MDM2: variants seen among roughly 807,000 people sequenced by gnomAD.
MDM2 encodes the protein MDM2 proto-oncogene.
In MDM2, 11 loss-of-function variants were observed where a neutral mutation model predicts 64.3. The ratio of observed to expected loss-of-function variants is 0.17; its 90% confidence interval spans 0.11 to 0.28. The LOEUF is 0.28. MDM2 is among the 10% of genes least tolerant of loss of function. MDM2 has a pLI of 1.00. For missense variants in MDM2, 388 were observed against 577.1 expected (o/e 0.67, Z 3.36); for synonymous variants, 194 against 192.9 (o/e 1.01, Z -0.05).
chr12:68,830,964 G>A (rs184377190), intron 8 of MDM2, among the ~76,000 whole-genome samples: 1 of 152,192 alleles, frequency 6.6e-6, no homozygotes, highest in South Asian at 2.1e-4. Context: ...GCCTCCCAAA[G>A]TGTTGGGATT....
chr12:68,838,753 C>T (rs1016225751), intron 10 of MDM2, among the ~76,000 whole-genome samples: 4 of 152,110 alleles, frequency 2.6e-5, no homozygotes, highest in Non-Finnish European at 4.4e-5. Context: ...CTAAAGGAAG[C>T]AACTGCATTT....
At chr12:68,830,383 G>A (rs1430742180) in intron 8 of MDM2, among the ~76,000 whole-genome samples, 1 of 152,124 alleles carries the variant, frequency 6.6e-6, no homozygotes, top group Admixed American at 6.6e-5. Flanking sequence ...TGTACCTAAC[G>A]GAGCTGTTAC....
intron 3 of MDM2, 23 bp from the exon 4 acceptor site, chr12:68,816,789 C>T (rs1881424261): frequency 3.9e-6 from 6 of 1,557,570 alleles, no homozygotes; most frequent in Non-Finnish European, 5.2e-6. Flanking sequence ...CTTTAATGCT[C>T]AGAAATCATA....
chr12:68,847,539 C>A (rs1884414117), downstream of MDM2: 1 of 144,940 alleles, frequency 6.9e-6, no homozygotes, highest in Non-Finnish European at 1.5e-5. Flanking sequence ...CTGCAAGCTC[C>A]GCCTCCCAGG....
chr12:68,811,812 G>C (rs1045931699), intron 2 of MDM2, among the ~76,000 whole-genome samples: 1 of 152,072 alleles, frequency 6.6e-6, no homozygotes, highest in African/African-American at 2.4e-5. Flanking sequence ...ATGTTGTCCA[G>C]GCTGGTCTTG....
At chr12:68,828,960 ACT>A (rs1387732889) in intron 8 of MDM2, 29 bp downstream of exon 8, 3 of 1,607,518 alleles carry the variant, frequency 1.9e-6, no homozygotes, top group Non-Finnish European at 2.6e-6. Flanking sequence ...GTAAGGCAAG[ACT>A]CTTACTGTTC....
At chr12:68,850,007 G>C (rs1292708510), downstream of MDM2, 1 of 152,374 alleles carries the variant, frequency 6.6e-6, no homozygotes, top group East Asian at 1.9e-4. Context: ...CCCTTGGCTG[G>C]GGGGTGATGG....
At chr12:68,830,559 C>T (rs983931496) in intron 8 of MDM2, among the ~76,000 whole-genome samples, 1 of 151,926 alleles carries the variant, frequency 6.6e-6, no homozygotes, top group African/African-American at 2.4e-5. Flanking sequence ...GGAGATAGAT[C>T]ATTAATGACA....
At chr12:68,847,196 T>TTATATATATATATATATGTATA (rs59862219), downstream of MDM2, 6 of 92,056 alleles carry the variant, frequency 6.5e-5, no homozygotes, top group East Asian at 9.9e-4. Context: ...TGTGTGTACA[T>TTATATATATATATATATGTATA]TATATATATA....
chr12:68,828,654 G>A, intron 7 of MDM2, 117 bp from the exon 8 acceptor site: 1 of 751,196 alleles, frequency 1.3e-6, no homozygotes, highest in Non-Finnish European at 2.2e-6. Context: ...CAATAAAACA[G>A]TGTTAACTTT....
chr12:68,833,805 A>T (rs894443486), intron 8 of MDM2, among the ~76,000 whole-genome samples: 1 of 152,240 alleles, frequency 6.6e-6, no homozygotes, highest in African/African-American at 2.4e-5. Context: ...GTTTTCTGAG[A>T]TTTAATGTTT....
chr12:68,824,322 C>T (rs374258492), intron 5 of MDM2, 41 bp from the exon 6 acceptor site: 20 of 1,531,342 alleles, frequency 1.3e-5, no homozygotes, highest in African/African-American at 2.7e-5. Flanking sequence ...CGCCGCCCCC[C>T]GCCCACCACC....
At chr12:68,817,523 G>A (rs1367800521) in intron 4 of MDM2, among the ~76,000 whole-genome samples, 1 of 152,100 alleles carries the variant, frequency 6.6e-6, no homozygotes, top group Admixed American at 6.5e-5. Flanking sequence ...GCCAAGGCGG[G>A]TGGATCACCT....
chr12:68,845,132 T>G lies in MDM2; in HGVS notation c.*5283T>G, dbSNP rs1884170511. ...GGCTTATGATGGTAACCACAAGTTGTTAATGGCATTGTGAAAAGTTTTTAG... is the reference window on the plus strand; with the variant it reads ...GGCTTATGATGGTAACCACAAGTTGGTAATGGCATTGTGAAAAGTTTTTAG... On this transcript the variant is annotated 3_prime_UTR_variant, in exon 11 of 11. Transcript: ENST00000258149. The G allele has an allele frequency of 8.9e-6, 2 of 223,524 alleles. No individual in the cohort carries two copies. The highest frequency in any genetic ancestry group is 1.3e-4 in the East Asian group (2 of 15,388). 13.8% of individuals were successfully genotyped at this position (223,524 alleles called of 1,614,324 possible). A position where few individuals can be genotyped will look rare whatever the true frequency, so the allele number is the denominator to read the frequency against.
chr12:68,839,249 G>T (rs1425050973), intron 10 of MDM2, 25 bp from the exon 11 acceptor site: 1 of 1,596,870 alleles, frequency 6.3e-7, no homozygotes, highest in Non-Finnish European at 8.5e-7. Flanking sequence ...TACAGAAACT[G>T]ACTGTGTGTC....
At chr12:68,809,133 T>G in intron 1 of MDM2, 75 bp from the exon 2 acceptor site, 1 of 1,582,828 alleles carries the variant, frequency 6.3e-7, no homozygotes, top group Non-Finnish European at 8.6e-7. Context: ...GTTGTTTATG[T>G]TCTTTATATA....
chr12:68,828,675 T>A, intron 7 of MDM2, 96 bp from the exon 8 acceptor site: 1 of 1,036,818 alleles, frequency 9.6e-7, no homozygotes, highest in Non-Finnish European at 1.4e-6. Context: ...TGAACTAATT[T>A]TATTGAAACT....
intron 7 of MDM2, 103 bp from the exon 8 acceptor site, chr12:68,828,668 A>G: frequency 1.1e-6 from 1 of 920,622 alleles, no homozygotes; most frequent in Non-Finnish European, 1.6e-6. Context: ...TAACTTTTGA[A>G]CTAATTTTAT....
chr12:68,822,458 A>G (rs1881939253), intron 5 of MDM2, among the ~76,000 whole-genome samples: 2 of 151,568 alleles, frequency 1.3e-5, no homozygotes, highest in East Asian at 1.9e-4. Flanking sequence ...CATGTGTACA[A>G]TGTGCAGGTT....
Sources: gnomAD v4.1 joint callset for allele counts (sites outside exome capture counted in the v4.1 genomes callset) on GRCh38, gnomAD v4.1.1 for gene constraint, MANE v1.5 for transcripts, NCBI Gene and HGNC (gene_info 2026-07-23, HGNC 2026-07-21) for gene names.